The following DIS3L2 variants were observed in gnomAD, a reference collection of about 807,000 sequenced individuals.
DIS3L2 encodes DIS3 like 3'-5' exoribonuclease 2, also known as DIS3-like exonuclease 2.
Under a neutral mutation model 97.5 loss-of-function variants are expected in DIS3L2, and 34 were observed. That is an observed-to-expected ratio of 0.35 (90% CI 0.27 to 0.46). The LOEUF (loss-of-function observed/expected upper bound fraction) is 0.46, where lower values mean the gene tolerates loss of function less well. Among genes scored for constraint, DIS3L2 ranks in the 20% least tolerant of loss-of-function variants. The pLI is 1.00. For synonymous variants in DIS3L2, 435 were observed against 445.2 expected, an observed-to-expected ratio of 0.98 and a Z score of 0.29; for missense variants, 1,038 against 1,146.0, an observed-to-expected ratio of 0.91 and a Z score of 1.36.
At chr2:232,329,788 C>CGGGGGGGCG in intron 14 of DIS3L2, 25 bp from the exon 15 acceptor site, 4 of 1,080,632 alleles carry the variant, frequency 3.7e-6, no homozygotes, top group Non-Finnish European at 3.8e-6. Context: ...CCAGCGGTCC[C>CGGGGGGGCG]TCCCATCCCA....
intron 1 of DIS3L2, among the ~76,000 whole-genome samples, chr2:231,985,451 A>G (rs1372817353): frequency 6.6e-6 from 1 of 152,208 alleles, no homozygotes; most frequent in African/African-American, 2.4e-5. Context: ...CATGGCATGC[A>G]TGCATCAGAG....
chr2:232,339,156 A>T (rs1696054590), downstream of DIS3L2, among the ~76,000 whole-genome samples: 1 of 152,198 alleles, frequency 6.6e-6, no homozygotes. Context: ...GGAGAGACTG[A>T]CGCCTCCCCA....
chr2:232,174,558 C>A (rs1219479088), intron 9 of DIS3L2, among the ~76,000 whole-genome samples: 1 of 132,804 alleles, frequency 7.5e-6, no homozygotes, highest in Non-Finnish European at 1.5e-5. Context: ...TGCACTCCAG[C>A]CAGGGTAACA....
At chr2:232,059,910 A>G (rs1341850753) in intron 5 of DIS3L2, among the ~76,000 whole-genome samples, 1 of 151,440 alleles carries the variant, frequency 6.6e-6, no homozygotes, top group African/African-American at 2.4e-5. Flanking sequence ...GGTTGATTCT[A>G]TGTCTTTCCT....
rs949568076 is a variant in DIS3L2 at position 232,110,767 on chromosome 2, G to A, written c.602-19852G>A. ...AATGGATGTTGGGCTTAACACCTGGGTGATGGGATGATCTGTACAGCGGAC... is the reference window on the plus strand; with the variant it reads ...AATGGATGTTGGGCTTAACACCTGGATGATGGGATGATCTGTACAGCGGAC... On this transcript the variant is annotated intron_variant, in intron 6 of 20. Coordinates refer to ENST00000325385, the MANE Select transcript of DIS3L2 (RefSeq NM_152383.5). 5.9e-5 allele frequency among the ~76,000 whole-genome samples: 9 copies of A among 152,086 alleles called. 1 individual carries two copies. Among genetic ancestry groups the A allele is most frequent in the South Asian group, 2.1e-4 (1 of 4,828 alleles).
At chr2:231,968,961 A>G (rs1234398516) in intron 1 of DIS3L2, among the ~76,000 whole-genome samples, 2 of 152,162 alleles carry the variant, frequency 1.3e-5, no homozygotes, top group Non-Finnish European at 2.9e-5. Context: ...GAATTCTCAC[A>G]AGATCTGATG....
intron 5 of DIS3L2, among the ~76,000 whole-genome samples, chr2:232,064,368 A>G (rs547575255): frequency 1.3e-5 from 2 of 152,226 alleles, no homozygotes; most frequent in Non-Finnish European, 2.9e-5. Flanking sequence ...AAATTTATCC[A>G]TGTTGTTCAC....
At chr2:232,283,607 G>A (rs754124177) in intron 13 of DIS3L2, among the ~76,000 whole-genome samples, 2 of 152,114 alleles carry the variant, frequency 1.3e-5, no homozygotes, top group Non-Finnish European at 2.9e-5. Context: ...ATTTCTCTCG[G>A]TAGATGTTGA....
chr2:232,314,864 A>G (rs1382361440), intron 14 of DIS3L2, among the ~76,000 whole-genome samples: 1 of 152,130 alleles, frequency 6.6e-6, no homozygotes, highest in Non-Finnish European at 1.5e-5. Flanking sequence ...TGTTCTTACC[A>G]GTGACAGAGG....
At chr2:232,188,462 C>T (rs935924336) in intron 9 of DIS3L2, among the ~76,000 whole-genome samples, 8 of 152,120 alleles carry the variant, frequency 5.3e-5, no homozygotes, top group Non-Finnish European at 1.0e-4. Context: ...GAGGAGCAAA[C>T]GCAGTTCAAT....
intron 5 of DIS3L2, among the ~76,000 whole-genome samples, chr2:232,054,657 G>A (rs1262244606): frequency 1.3e-5 from 2 of 152,170 alleles, no homozygotes; most frequent in African/African-American, 4.8e-5. Flanking sequence ...GAAAAGTCCA[G>A]TGTCAAATGG....
chr2:232,086,649 A>ATATATATATACACATATATATATGTG (rs1696648609), intron 5 of DIS3L2, among the ~76,000 whole-genome samples: 3 of 47,316 alleles, frequency 6.3e-5, no homozygotes, highest in African/African-American at 3.9e-4. Flanking sequence ...ATATATGTAT[A>ATATATATATACACATATATATATGTG]TATATATATA....
At chr2:232,246,691 C>G (rs1404286401) in intron 11 of DIS3L2, among the ~76,000 whole-genome samples, 2 of 152,254 alleles carry the variant, frequency 1.3e-5, no homozygotes, top group African/African-American at 4.8e-5. Flanking sequence ...TGAGTCTGCA[C>G]TTCACTCACT....
chr2:231,972,152 C>T (rs7576094), intron 1 of DIS3L2, among the ~76,000 whole-genome samples: 82,476 of 151,054 alleles, frequency 0.55, 24,948 homozygotes, highest in East Asian at 0.81. Context: ...GCCACTGCAC[C>T]CCAGCTTGGC....
At chr2:232,272,315 TC>T (rs1694028344) in intron 13 of DIS3L2, among the ~76,000 whole-genome samples, 2 of 152,342 alleles carry the variant, frequency 1.3e-5, no homozygotes, top group African/African-American at 4.8e-5. Flanking sequence ...AGACAAACTT[TC>T]TACCCTCAAG....
chr2:232,301,034 G>A (rs569400770), intron 14 of DIS3L2, among the ~76,000 whole-genome samples: 9 of 152,272 alleles, frequency 5.9e-5, no homozygotes, highest in South Asian at 2.1e-4. Context: ...ACTGTGCCCC[G>A]ATGATGACAA....
chr2:232,094,348 G>A (rs1373243484), intron 6 of DIS3L2, among the ~76,000 whole-genome samples: 1 of 152,136 alleles, frequency 6.6e-6, no homozygotes, highest in Non-Finnish European at 1.5e-5. Context: ...GATCTATAAT[G>A]CAGATTAAGC....
chr2:232,227,579 G>A (rs80177525), intron 10 of DIS3L2, among the ~76,000 whole-genome samples: 61 of 152,254 alleles, frequency 4.0e-4, no homozygotes, highest in Non-Finnish European at 8.2e-4. Flanking sequence ...TGACGTCTTG[G>A]GGAGTCAGAA....
intron 1 of DIS3L2, among the ~76,000 whole-genome samples, chr2:231,989,632 G>C (rs1350335179): frequency 6.6e-6 from 1 of 152,076 alleles, no homozygotes; most frequent in Non-Finnish European, 1.5e-5. Context: ...CCAGGAGTTT[G>C]AGGCCAGCCT....
Sources: gnomAD v4.1 joint callset for allele counts (sites outside exome capture counted in the v4.1 genomes callset) on GRCh38, gnomAD v4.1.1 for gene constraint, MANE v1.5 for transcripts, NCBI Gene and HGNC (gene_info 2026-07-23, HGNC 2026-07-21) for gene names.